PTPRQ: variants seen among roughly 807,000 people sequenced by gnomAD.
PTPRQ encodes phosphatidylinositol phosphatase PTPRQ.
A neutral mutation model predicts 246.0 loss-of-function variants in PTPRQ; 199 were observed. That is an observed-to-expected ratio of 0.81 (90% CI 0.72 to 0.91). The LOEUF (loss-of-function observed/expected upper bound fraction) is 0.91. Among genes scored for constraint, PTPRQ ranks in the 40% least tolerant of loss-of-function variants. The pLI, the probability that PTPRQ is intolerant of heterozygous loss-of-function variation, is 0.00. For missense variants in PTPRQ, 2,624 were observed against 2,528.4 expected, an observed-to-expected ratio of 1.04 and a Z score of -0.81; for synonymous variants, 869 against 853.2, an observed-to-expected ratio of 1.02 and a Z score of -0.32.
At chr12:80,589,018 AT>A (rs1897708577) in intron 26 of PTPRQ, among the ~76,000 whole-genome samples, 1 of 152,238 alleles carries the variant, frequency 6.6e-6, no homozygotes, top group Admixed American at 6.5e-5. Context: ...AGAAACACAA[AT>A]ACTTGAAATT....
chr12:80,612,172 G>A (rs1314021040), intron 28 of PTPRQ, among the ~76,000 whole-genome samples: 1 of 150,244 alleles, frequency 6.7e-6, no homozygotes, highest in Non-Finnish European at 1.5e-5. Flanking sequence ...TCAAGAAGTA[G>A]CTCCTTTATT....
At chr12:80,519,945 A>C (rs1439683514) in intron 17 of PTPRQ, among the ~76,000 whole-genome samples, 1 of 152,036 alleles carries the variant, frequency 6.6e-6, no homozygotes, top group East Asian at 1.9e-4. Context: ...AATATTGCTT[A>C]TCTTGAGTCC....
chr12:80,572,113 A>G (rs1254241039), intron 25 of PTPRQ, among the ~76,000 whole-genome samples: 1 of 152,146 alleles, frequency 6.6e-6, no homozygotes, highest in African/African-American at 2.4e-5. Context: ...ATGCATGTAT[A>G]CATCTATACA....
At chr12:80,637,126 G>T (rs1022658946) in intron 35 of PTPRQ, among the ~76,000 whole-genome samples, 1 of 152,062 alleles carries the variant, frequency 6.6e-6, no homozygotes, top group African/African-American at 2.4e-5. Flanking sequence ...CAGCATGGTG[G>T]CATGTGCCTG....
intron 25 of PTPRQ, among the ~76,000 whole-genome samples, chr12:80,580,279 A>T (rs1300687775): frequency 2.0e-5 from 3 of 152,194 alleles, no homozygotes; most frequent in Non-Finnish European, 4.4e-5. Flanking sequence ...TATGAATAAA[A>T]ATGTAATTTA....
At chr12:80,533,082 A>G (rs903165757) in intron 17 of PTPRQ, among the ~76,000 whole-genome samples, 1 of 152,180 alleles carries the variant, frequency 6.6e-6, no homozygotes, top group Non-Finnish European at 1.5e-5. Context: ...ATTACATGAG[A>G]CATATACTTT....
intron 25 of PTPRQ, among the ~76,000 whole-genome samples, chr12:80,587,883 T>C (rs2052798430): frequency 6.6e-6 from 1 of 152,150 alleles, no homozygotes; most frequent in South Asian, 2.1e-4. Flanking sequence ...CCACTTATGA[T>C]TGAATTTGGA....
At chr12:80,567,738 G>C (rs1265084514) in intron 25 of PTPRQ, among the ~76,000 whole-genome samples, 1 of 152,126 alleles carries the variant, frequency 6.6e-6, no homozygotes, top group East Asian at 1.9e-4. Context: ...GAATGAAACT[G>C]CTCTAGATGT....
chr12:80,496,587 G>C, intron 14 of PTPRQ, 56 bp downstream of exon 14: 10 of 1,487,256 alleles, frequency 6.7e-6, no homozygotes, highest in Non-Finnish European at 8.9e-6. Context: ...AGTAAGCAAA[G>C]CTGATAATCG....
intron 14 of PTPRQ, among the ~76,000 whole-genome samples, chr12:80,502,494 C>G (rs532879585): frequency 6.4e-4 from 97 of 152,036 alleles, no homozygotes; most frequent in African/African-American, 2.3e-3. Context: ...CCATTTTCAG[C>G]TATTACACTG....
intron 8 of PTPRQ, among the ~76,000 whole-genome samples, chr12:80,479,405 C>A (rs971600043): frequency 6.8e-6 from 1 of 146,278 alleles, no homozygotes; most frequent in African/African-American, 2.5e-5. Flanking sequence ...ACAACTGGTA[C>A]CAGCCACTGC....
chr12:80,482,362 AC>A (rs1308294584), intron 8 of PTPRQ, among the ~76,000 whole-genome samples: 3 of 152,130 alleles, frequency 2.0e-5, no homozygotes, highest in Admixed American at 2.0e-4. Flanking sequence ...TACACCTTAT[AC>A]AAAAATTAAT....
chr12:80,575,688 A>T (rs558990559), intron 25 of PTPRQ, among the ~76,000 whole-genome samples: 2 of 151,544 alleles, frequency 1.3e-5, no homozygotes, highest in Admixed American at 6.6e-5. Flanking sequence ...AAAAATACAA[A>T]ATTAGTCAGG....
At chr12:80,661,286 TTA>T (rs1050318918) in intron 39 of PTPRQ, among the ~76,000 whole-genome samples, 5 of 148,722 alleles carry the variant, frequency 3.4e-5, no homozygotes, top group East Asian at 2.0e-4. Context: ...CAGTTATATT[TTA>T]TATGTCTATA....
chr12:80,621,046 T>C (rs529038336), intron 32 of PTPRQ, among the ~76,000 whole-genome samples: 1 of 152,038 alleles, frequency 6.6e-6, no homozygotes, highest in East Asian at 1.9e-4. Flanking sequence ...ATTTTCAAAA[T>C]ATAATTTTTA....
At chr12:80,478,169 G>A (rs371668937) in intron 8 of PTPRQ, among the ~76,000 whole-genome samples, 8 of 147,622 alleles carry the variant, frequency 5.4e-5, no homozygotes, top group South Asian at 2.1e-4. Flanking sequence ...CTCCCAGCAC[G>A]CAGCTGGAGA....
chr12:80,478,885 C>A (rs1257206474), intron 8 of PTPRQ, among the ~76,000 whole-genome samples: 1 of 152,042 alleles, frequency 6.6e-6, no homozygotes, highest in African/African-American at 2.4e-5. Context: ...GTGAAAAGAC[C>A]AAATCTACGT....
intron 3 of PTPRQ, among the ~76,000 whole-genome samples, chr12:80,448,608 A>G (rs1446542764): frequency 2.0e-5 from 3 of 149,860 alleles, no homozygotes; most frequent in Non-Finnish European, 4.4e-5. Flanking sequence ...CCCACCTATG[A>G]GTGAGAATAT....
intron 5 of PTPRQ, 60 bp downstream of exon 5, chr12:80,459,543 A>T (rs1038481462): frequency 5.0e-6 from 2 of 397,712 alleles, no homozygotes; most frequent in African/African-American, 4.1e-5. Flanking sequence ...TAATTTTCAT[A>T]TTTCTAGCAT....
Sources: gnomAD v4.1 joint callset for allele counts (sites outside exome capture counted in the v4.1 genomes callset) on GRCh38, gnomAD v4.1.1 for gene constraint, MANE v1.5 for transcripts, NCBI Gene and HGNC (gene_info 2026-07-23, HGNC 2026-07-21) for gene names.